Variants in SEMA4B observed in about 807,000 individuals in gnomAD.
The protein encoded by SEMA4B is semaphorin 4B.
In SEMA4B, 55 loss-of-function variants were observed where a neutral mutation model predicts 88.1. The ratio of observed to expected loss-of-function variants is 0.62; its 90% CI spans 0.50 to 0.78. The LOEUF is 0.78. SEMA4B is among the 30% of genes least tolerant of loss of function. The probability of loss-of-function intolerance (pLI) is 0.00; values close to 1 mark genes in which losing one functional copy is unlikely to be tolerated. For missense variants in SEMA4B, 1,062 were observed against 1,111.9 expected, an observed-to-expected ratio of 0.96 and a Z score of 0.64; for synonymous variants, 525 against 473.6, an observed-to-expected ratio of 1.11 and a Z score of -1.41.
At chr15:90,196,207 C>A (rs1275138701) in intron 1 of SEMA4B, among the ~76,000 whole-genome samples, 2 of 151,862 alleles carry the variant, frequency 1.3e-5, no homozygotes, top group East Asian at 3.9e-4. Flanking sequence ...GGATTCCAGG[C>A]GTGAGCTGCT....
chr15:90,204,659 G>T (rs1322216836), intron 1 of SEMA4B, among the ~76,000 whole-genome samples: 2 of 152,234 alleles, frequency 1.3e-5, no homozygotes, highest in African/African-American at 4.8e-5. Flanking sequence ...GTGCTGAGTA[G>T]AAACAATGGC....
At chr15:90,186,374 C>T (rs1389780652) in intron 1 of SEMA4B, among the ~76,000 whole-genome samples, 1 of 151,884 alleles carries the variant, frequency 6.6e-6, no homozygotes, top group Non-Finnish European at 1.5e-5. Flanking sequence ...AATCCCAGCA[C>T]TTTGGGAGGT....
rs1387465866 is a variant in SEMA4B, at chr15:90,212,137, TCAGAACCCCACTTCCTAC to T, written c.158-5301_158-5284del. Among the ~76,000 whole-genome samples, 1,538 of 17,432 alleles carry T rather than the reference TCAGAACCCCACTTCCTAC, an allele frequency of 0.088. 11 individuals carry two copies. Among genetic ancestry groups the T allele is most frequent in the Admixed American group, 0.11 (156 of 1,406 alleles). 11.4% of individuals were successfully genotyped at this position (17,432 alleles called of 152,430 possible). A position where few individuals can be genotyped will look rare whatever the true frequency, so the allele number is the denominator to read the frequency against. On this transcript the variant is annotated intron_variant, in intron 1 of 13. Coordinates refer to ENST00000411539, the MANE Select transcript of SEMA4B (RefSeq NM_198925.4). The surrounding 1 kb of genome is among the most constrained non-coding windows in gnomAD (Gnocchi z 4.0). Reference sequence around the variant, plus strand: ...TGAGTATTCCCACATCACTTCCTACTCAGAACCCCACTTCCTACTCAGAACCCCACTTCCTGGGGTGGG... The same window carrying T: ...TGAGTATTCCCACATCACTTCCTACTTCAGAACCCCACTTCCTGGGGTGGG...
At chr15:90,219,375 T>C (rs1357356170) in intron 3 of SEMA4B, 1 of 157,110 alleles carries the variant, frequency 6.4e-6, no homozygotes, top group Admixed American at 6.4e-5. Flanking sequence ...GATACCCCAT[T>C]TGAAGGTGAT....
chr15:90,214,941 G>A (rs1295223154), intron 1 of SEMA4B: 1 of 1,268,704 alleles, frequency 7.9e-7, no homozygotes, highest in Non-Finnish European at 1.0e-6. Context: ...AACCAGGCTG[G>A]GGGTATGTAA....
chr15:90,199,153 C>T (rs12903974), upstream of SEMA4B, among the ~76,000 whole-genome samples: 538 of 152,204 alleles, frequency 3.5e-3, 5 homozygotes, highest in Non-Finnish European at 6.2e-3. Flanking sequence ...GGATTACAGG[C>T]GTGAGCCACC....
In SEMA4B at chr15:90,228,160, C is replaced by G; in HGVS notation, c.2031C>G (p.Asp677Glu). 2 of 1,610,370 alleles carry G rather than the reference C, an allele frequency of 1.2e-6. No homozygotes were observed. Among genetic ancestry groups the G allele is most frequent in the Non-Finnish European group, 1.7e-6 (2 of 1,178,326 alleles). ...VASYCPEVVE[D>E]GVADQTDEGG... ...GCTACTGCCCAGAGGTGGTGGAGGA[C>G]GGGGTGGCAGACCAAACAGATGAGG... The change falls in exon 14 of 14, where the codon GAC becomes GAG. Residue 677 changes from aspartate to glutamate, a missense_variant. Transcript: ENST00000411539.
At chr15:90,189,300 G>A (rs12908178) in intron 1 of SEMA4B, among the ~76,000 whole-genome samples, 4,523 of 152,268 alleles carry the variant, frequency 0.03, 94 homozygotes, top group Non-Finnish European at 0.046. Context: ...GAGACAAAAC[G>A]TGGTTGATTT....
chr15:90,185,700 T>C (rs528274824), intron 1 of SEMA4B, among the ~76,000 whole-genome samples: 8 of 152,278 alleles, frequency 5.3e-5, no homozygotes, highest in African/African-American at 1.9e-4. Flanking sequence ...CCTCTAAAGG[T>C]TGAAATGCCT....
intron 10 of SEMA4B, 45 bp from the exon 11 acceptor site, chr15:90,225,237 G>A (rs2151626275): frequency 2.6e-6 from 4 of 1,554,804 alleles, no homozygotes; most frequent in Non-Finnish European, 3.5e-6. Flanking sequence ...GGTGGGTCAT[G>A]GGCAGTGGGC....
chr15:90,220,132 T>C (rs1321239066), intron 4 of SEMA4B: 2 of 487,602 alleles, frequency 4.1e-6, no homozygotes, highest in African/African-American at 3.9e-5. Context: ...ATGAAGATCC[T>C]GTGCCACCCA....
Position 90,212,890 on chromosome 15 carries a change from G to T in SEMA4B, c.158-4549G>T, listed in dbSNP as rs12441032. Among the ~76,000 whole-genome samples, 16,847 of 152,124 alleles carry T rather than the reference G, an allele frequency of 0.11. 1,114 individuals carry two copies. The highest frequency in any genetic ancestry group is 0.19 in the Admixed American group (2,938 of 15,278). ...CCAGGTGCGTGCCTAAGTTAGAATC[G>T]CCCAGGCTAAGTTCGTGAACCCCCT... On this transcript the variant is annotated intron_variant, in intron 1 of 13. Transcript: ENST00000411539. This position sits in a 1 kb window ranked among gnomAD's most constrained non-coding sequence, Gnocchi z 4.0.
rs746709864 is a variant in SEMA4B at position 90,223,891 on chromosome 15, T to C, written c.1097T>C (p.Val366Ala). ...GTCTGTGTCTTCACAATGAAGGATG[T>C]GCAGAGAGTCTTCAGCGGCCTCTAC... The part of the protein sequence containing the change: ...SAVCVFTMKD[V>A]QRVFSGLYKE... The change falls in exon 9 of 14, where the codon GTG (valine) becomes GCG (alanine). Residue 366 changes from valine to alanine, a missense_variant. Physicochemically the swap from Val to Ala is moderately conservative, Grantham distance 64 (BLOSUM62 0). Coordinates refer to ENST00000411539, the MANE Select transcript of SEMA4B (RefSeq NM_198925.4). 3.7e-6 allele frequency: 6 copies of C among 1,613,908 alleles called. No homozygotes were observed. The highest frequency in any genetic ancestry group is 5.1e-6 in the Non-Finnish European group (6 of 1,179,878).
At chr15:90,224,874 C>A in intron 9 of SEMA4B, 94 bp from the exon 10 acceptor site, 1 of 1,049,148 alleles carries the variant, frequency 9.5e-7, no homozygotes, top group Non-Finnish European at 1.5e-6. Context: ...GGCGGGGGGA[C>A]AGACACCGCT....
chr15:90,210,268 C>A (rs1018936539), intron 1 of SEMA4B, among the ~76,000 whole-genome samples: 4 of 152,116 alleles, frequency 2.6e-5, no homozygotes, highest in African/African-American at 9.7e-5. Context: ...GTGGGAGGCA[C>A]CCACAGAGGC....
In SEMA4B at chr15:90,221,382, C is replaced by G; in HGVS notation, c.611C>G (p.Thr204Ser). Residue 204 changes from threonine to serine, a missense_variant, in exon 6 of 14, where the codon ACT becomes AGT. Physicochemically the swap from Thr to Ser is moderately conservative, Grantham distance 58. Coordinates refer to ENST00000411539, the MANE Select transcript of SEMA4B (RefSeq NM_198925.4). The part of the protein sequence containing the change: ...TALVVDGELY[T>S]GTVSSFQGND... ...TTCTTGGCAGATGGCGAGCTCTACA[C>G]TGGAACAGTCAGCAGCTTCCAAGGG... 6.4e-7 allele frequency: 1 copy of G among 1,566,338 alleles called. No individual in the cohort carries two copies. Among genetic ancestry groups the G allele is most frequent in the Non-Finnish European group, 8.6e-7 (1 of 1,156,506 alleles).
At chr15:90,223,436 C>A in intron 7 of SEMA4B, 123 bp from the exon 8 acceptor site, 1 of 809,686 alleles carries the variant, frequency 1.2e-6, no homozygotes, top group Non-Finnish European at 1.8e-6. Flanking sequence ...GAACTTGGTC[C>A]TGGCCTTCTC....
rs1403066459 is a variant in SEMA4B at position 90,225,278 on chromosome 15, C to G, written c.1406-4C>G. On this transcript the variant is annotated splice_polypyrimidine_tract_variant and splice_region_variant and intron_variant, in intron 10 of 13. Coordinates refer to ENST00000411539, the MANE Select transcript of SEMA4B (RefSeq NM_198925.4). ...CCAGGGCCTGAGTCCTGTCCACACC[C>G]CAGGTGACGGCCGGCTCCACAAGGC... is the stretch of plus-strand genomic sequence containing the variant. 6.4e-7 allele frequency: 1 copy of G among 1,555,962 alleles called. No individual in the cohort carries two copies. The highest frequency in any genetic ancestry group is 1.4e-5 in the African/African-American group (1 of 73,404).
At chr15:90,202,953 G>A (rs1401561255) in intron 1 of SEMA4B, among the ~76,000 whole-genome samples, 1 of 152,226 alleles carries the variant, frequency 6.6e-6, no homozygotes, top group Non-Finnish European at 1.5e-5. Flanking sequence ...TACTGCAGAT[G>A]ACCTGGGTTC....
Sources: allele counts gnomAD v4.1 joint callset (sites outside exome capture counted in the v4.1 genomes callset), GRCh38; gene constraint gnomAD v4.1.1; non-coding constraint Gnocchi (gnomAD v3.1); transcripts MANE v1.5; gene names NCBI Gene and HGNC (gene_info 2026-07-23, HGNC 2026-07-21).